Variants in CFAP206 observed in about 807,000 individuals in gnomAD.
CFAP206 encodes cilia- and flagella-associated protein 206.
CFAP206 carries 53 observed loss-of-function variants against 65.4 expected under a neutral mutation model. That is an observed-to-expected ratio of 0.81 (90% CI 0.65 to 1.02). The LOEUF (loss-of-function observed/expected upper bound fraction) is 1.02. CFAP206 is among the 50% of genes least tolerant of loss of function. The pLI is 0.00. For missense variants in CFAP206, 663 were observed against 753.2 expected (o/e 0.88, Z 1.40); for synonymous variants, 250 against 254.4 (o/e 0.98, Z 0.17).
intron 7 of CFAP206, among the ~76,000 whole-genome samples, chr6:87,419,123 T>C (rs1038763646): frequency 6.7e-6 from 1 of 149,904 alleles, no homozygotes; most frequent in Non-Finnish European, 1.5e-5. Context: ...AAACGTTTGT[T>C]TTTTTTTTTG....
intron 11 of CFAP206, 163 bp downstream of exon 11, chr6:87,435,216 T>C (rs1768238552): frequency 4.1e-6 from 2 of 486,552 alleles, no homozygotes; most frequent in African/African-American, 3.9e-5. Flanking sequence ...TGAAAACTAA[T>C]TGAATCAAAG....
At chr6:87,451,495 T>C (rs182403192) in intron 11 of CFAP206, among the ~76,000 whole-genome samples, 655 of 152,162 alleles carry the variant, frequency 4.3e-3, no homozygotes, top group Non-Finnish European at 7.7e-3. Flanking sequence ...CAAAGAGCCC[T>C]TGGGTCTTGA....
chr6:87,444,524 C>A, intron 11 of CFAP206: 1 of 274,946 alleles, frequency 3.6e-6, no homozygotes, highest in South Asian at 4.9e-5. Context: ...CTTCTGGACC[C>A]TGTATGGCTG....
intron 4 of CFAP206, chr6:87,415,476 C>T: frequency 1.7e-6 from 1 of 605,302 alleles, no homozygotes; most frequent in South Asian, 1.6e-5. Flanking sequence ...CAAAGTATTC[C>T]ATTTAAGTCA....
At chr6:87,425,983 C>G (rs1165329286) in intron 7 of CFAP206, 2 of 157,716 alleles carry the variant, frequency 1.3e-5, no homozygotes, top group Non-Finnish European at 1.4e-5. Flanking sequence ...ATGATGAACT[C>G]TATGACAGGG....
chr6:87,438,778 C>T (rs1267257316), intron 11 of CFAP206, among the ~76,000 whole-genome samples: 1 of 152,076 alleles, frequency 6.6e-6, no homozygotes, highest in Non-Finnish European at 1.5e-5. Flanking sequence ...GATCTTTAGT[C>T]TATTTGGAGA....
At chr6:87,441,192 CA>C (rs1768355343) in intron 11 of CFAP206, 1 of 304,092 alleles carries the variant, frequency 3.3e-6, no homozygotes, top group Admixed American at 5.5e-5. Context: ...TGCTTCTTAG[CA>C]AAACTGGTAA....
At chr6:87,459,841 A>G (rs979596170) in intron 11 of CFAP206, among the ~76,000 whole-genome samples, 2 of 152,200 alleles carry the variant, frequency 1.3e-5, no homozygotes, top group Non-Finnish European at 2.9e-5. Context: ...CCACTAAAGC[A>G]TAATTTTTTC....
chr6:87,416,670 T>A lies in CFAP206; in HGVS notation c.474T>A (p.Ala158=). Residue 158 remains alanine (A), a splice_region_variant and synonymous_variant, in exon 6 of 13, where the codon GCT becomes GCA. Transcript: ENST00000369562. ...TDIKTVREVT[A]ALQSVFPQAE... ...TTTTTTTTTTCTGGTTTATTTTAGC[T>A]GCTCTACAGAGTGTTTTTCCTCAGG... 1 of 1,573,240 alleles carries A rather than the reference T, an allele frequency of 6.4e-7. No individual in the cohort carries two copies. Among genetic ancestry groups the A allele is most frequent in the South Asian group, 1.2e-5 (1 of 83,828 alleles).
At chr6:87,430,326 C>T (rs1006933855) in intron 9 of CFAP206, among the ~76,000 whole-genome samples, 5 of 152,106 alleles carry the variant, frequency 3.3e-5, no homozygotes, top group African/African-American at 1.2e-4. Context: ...TAAGAAACTT[C>T]AGGAACAATG....
At chr6:87,418,119 A>G in intron 6 of CFAP206, 89 bp from the exon 7 acceptor site, 1 of 1,150,034 alleles carries the variant, frequency 8.7e-7, no homozygotes, top group Non-Finnish European at 1.3e-6. Context: ...CCCTAACTTA[A>G]TGTTTAAAAT....
At chr6:87,440,293 C>A (rs1486704716) in intron 11 of CFAP206, among the ~76,000 whole-genome samples, 1 of 152,032 alleles carries the variant, frequency 6.6e-6, no homozygotes, top group African/African-American at 2.4e-5. Context: ...AGTTTAATTT[C>A]TGCATATTGA....
intron 11 of CFAP206, among the ~76,000 whole-genome samples, chr6:87,440,634 AT>A (rs1582145082): frequency 6.6e-6 from 1 of 152,178 alleles, no homozygotes; most frequent in Admixed American, 6.6e-5. Context: ...TAGATGGAAA[AT>A]TTTAATTGCT....
chr6:87,453,851 G>T (rs540505919), intron 11 of CFAP206, among the ~76,000 whole-genome samples: 2 of 152,046 alleles, frequency 1.3e-5, no homozygotes, highest in African/African-American at 4.8e-5. Context: ...CAACCAGAAA[G>T]CAAATCACAA....
At chr6:87,449,585 A>G (rs1562009520) in intron 11 of CFAP206, among the ~76,000 whole-genome samples, 2 of 152,052 alleles carry the variant, frequency 1.3e-5, no homozygotes, top group African/African-American at 4.8e-5. Context: ...GACATTGAGC[A>G]TTTTCTTACA....
chr6:87,415,974 T>A, intron 5 of CFAP206, 100 bp downstream of exon 5: 2 of 920,616 alleles, frequency 2.2e-6, no homozygotes, highest in Admixed American at 3.7e-5. Context: ...TGAAGTTCCC[T>A]TTTTATCTGA....
rs781547513 is a variant in CFAP206 at position 87,410,647 on chromosome 6, T to A, written c.171T>A (p.Ser57Arg). The A allele has an allele frequency of 1.9e-6, 3 of 1,613,850 alleles. No individual in the cohort carries two copies. Among genetic ancestry groups the A allele is most frequent in the African/African-American group, 1.3e-5 (1 of 74,902 alleles). Residue 57 changes from serine (S) to arginine (R), a missense_variant, in exon 3 of 13, where the codon AGT (serine) becomes AGA (arginine). By Grantham distance (110) the Ser-to-Arg change is moderately radical (BLOSUM62 -1). Transcript: ENST00000369562. ...ACATGGATAGAACCCTCATGAAAAG[T>A]GATGTGCAGAATCTTGTTAAGGTGA... ...GFNMDRTLMKSDVQNLVKLCM... is the reference protein window; with the variant it reads ...GFNMDRTLMKRDVQNLVKLCM...
intron 7 of CFAP206, among the ~76,000 whole-genome samples, chr6:87,422,644 G>A (rs1416699115): frequency 1.3e-5 from 2 of 151,684 alleles, no homozygotes; most frequent in African/African-American, 2.4e-5. Context: ...CCAGCTACTT[G>A]GGAGGCTGAG....
rs142696839 is a variant in CFAP206, at chr6:87,425,513, G to A, written c.841-1013G>A. ...TACTTCATCCTTTAGATAGTCAAAA[G>A]TCAGAAGGAAATAAATGGTTTACAA... On this transcript the variant is annotated intron_variant, in intron 7 of 12. Transcript: ENST00000369562. Among the ~76,000 whole-genome samples the A allele has an allele frequency of 3.7e-3, 566 of 152,260 alleles. 4 individuals are homozygous for A. The highest frequency in any genetic ancestry group is 0.013 in the African/African-American group (525 of 41,564).
Sources: gnomAD v4.1 joint callset for allele counts (sites outside exome capture counted in the v4.1 genomes callset) on GRCh38, gnomAD v4.1.1 for gene constraint, MANE v1.5 for transcripts, NCBI Gene and HGNC (gene_info 2026-07-23, HGNC 2026-07-21) for gene names.